Variants in ARHGAP18 observed in about 807,000 individuals in gnomAD.
The protein encoded by ARHGAP18 is Rho GTPase activating protein 18.
ARHGAP18 carries 67 observed loss-of-function variants against 86.2 expected under a neutral mutation model. The observed-to-expected ratio is 0.78, with a 90% CI of 0.64 to 0.95. ARHGAP18 has a LOEUF of 0.95. Among genes scored for constraint, ARHGAP18 ranks in the 40% least tolerant of loss-of-function variants. The pLI, the probability that ARHGAP18 is intolerant of heterozygous loss-of-function variation, is 0.00. For missense variants in ARHGAP18, 691 were observed against 780.4 expected, an observed-to-expected ratio of 0.89 and a Z score of 1.37; for synonymous variants, 283 against 280.4, an observed-to-expected ratio of 1.01 and a Z score of -0.09.
intron 10 of ARHGAP18, among the ~76,000 whole-genome samples, chr6:129,601,222 A>G (rs1788735958): frequency 6.6e-6 from 1 of 152,244 alleles, no homozygotes; most frequent in African/African-American, 2.4e-5. Flanking sequence ...TTTCCTATGT[A>G]GAGATTTTTA....
rs1773226265 is a variant in ARHGAP18, at chr6:129,631,895, C to T, written c.616+2147G>A. On this transcript the variant is annotated intron_variant, in intron 4 of 14. Coordinates refer to ENST00000368149, the MANE Select transcript of ARHGAP18 (RefSeq NM_033515.3). ...TCTAAATGTATTATTAAATATTGGG[C>T]CTTTAATAGAGTTTATGATTGAATG... Among the ~76,000 whole-genome samples the T allele has an allele frequency of 2.0e-5, 3 of 151,890 alleles. No homozygotes were observed. In the South Asian group the frequency reaches 6.3e-4, roughly 32 times the overall value.
rs189888865 is a variant in ARHGAP18, at chr6:129,664,505, G to A, written c.114-22487C>T. 1.6e-3 allele frequency among the ~76,000 whole-genome samples: 247 copies of A among 152,068 alleles called. 1 individual carries two copies. Among genetic ancestry groups the A allele is most frequent in the African/African-American group, 5.6e-3 (232 of 41,478 alleles). ...TCCCAGGAATAGAGATGTTAGTAAA[G>A]AGTGGAACCTGAGAAATGTGGTGTC... On this transcript the variant is annotated intron_variant, in intron 1 of 14. Coordinates refer to ENST00000368149, the MANE Select transcript of ARHGAP18 (RefSeq NM_033515.3).
At chr6:129,606,091 C>T in intron 9 of ARHGAP18, 132 bp from the exon 10 acceptor site, 1 of 767,822 alleles carries the variant, frequency 1.3e-6, no homozygotes, top group Non-Finnish European at 2.1e-6. Context: ...AACGACTGAG[C>T]TGCAAGCCTT....
intron 2 of ARHGAP18, among the ~76,000 whole-genome samples, chr6:129,640,342 TCAAA>T (rs1436879853): frequency 3.9e-5 from 6 of 152,210 alleles, no homozygotes. Context: ...TGGAGACTTA[TCAAA>T]CAGCTAATGA....
chr6:129,641,905 T>C lies in ARHGAP18; in HGVS notation c.227A>G (p.Glu76Gly). 2 of 1,613,972 alleles carry C rather than the reference T, an allele frequency of 1.2e-6. No individual in the cohort carries two copies. Among genetic ancestry groups the C allele is most frequent in the Middle Eastern group, 1.7e-4 (1 of 6,058 alleles). ...GTTTTCTAGTTCTATCCAATAGTCT[T>C]CCATAGATAGTTCATCCAAAGAATC... ...SQDSLDELSM[E>G]DYWIELENIK... The change falls in exon 2 of 15, where the codon GAA becomes GGA. Residue 76 changes from glutamate (E) to glycine (G), a missense_variant. By Grantham distance (98) the Glu-to-Gly change is moderately conservative (BLOSUM62 -2). Coordinates refer to ENST00000368149, the MANE Select transcript of ARHGAP18 (RefSeq NM_033515.3).
chr6:129,685,242 C>T (rs1199605853), intron 1 of ARHGAP18, among the ~76,000 whole-genome samples: 1 of 152,132 alleles, frequency 6.6e-6, no homozygotes, highest in Non-Finnish European at 1.5e-5. Flanking sequence ...CACAGTGGCT[C>T]ACATGTGTAA....
intron 6 of ARHGAP18, among the ~76,000 whole-genome samples, chr6:129,617,404 C>T (rs925191058): frequency 3.9e-5 from 6 of 152,076 alleles, no homozygotes; most frequent in African/African-American, 1.2e-4. Context: ...GACACTTAAT[C>T]GAGATGCCAT....
chr6:129,656,508 G>C (rs1773840015), intron 1 of ARHGAP18, among the ~76,000 whole-genome samples: 1 of 152,084 alleles, frequency 6.6e-6, no homozygotes, highest in Admixed American at 6.6e-5. Flanking sequence ...GGGCATGGTG[G>C]TACGCGCCTA....
At chr6:129,682,257 G>A (rs1389071164) in intron 1 of ARHGAP18, among the ~76,000 whole-genome samples, 1 of 152,088 alleles carries the variant, frequency 6.6e-6, no homozygotes, top group African/African-American at 2.4e-5. Flanking sequence ...GACATGCCAG[G>A]GTCACAGAAG....
intron 1 of ARHGAP18, among the ~76,000 whole-genome samples, chr6:129,704,316 G>C (rs764334417): frequency 1.3e-5 from 2 of 151,978 alleles, no homozygotes; most frequent in Non-Finnish European, 2.9e-5. Flanking sequence ...ATGGTAGCAG[G>C]CACCTGTAAT....
chr6:129,658,669 G>A (rs1461601886), intron 1 of ARHGAP18, among the ~76,000 whole-genome samples: 1 of 152,182 alleles, frequency 6.6e-6, no homozygotes, highest in Non-Finnish European at 1.5e-5. Context: ...TCTATTTATA[G>A]GTAACAGTAA....
intron 1 of ARHGAP18, among the ~76,000 whole-genome samples, chr6:129,704,130 T>A (rs1038510540): frequency 6.6e-6 from 1 of 152,086 alleles, no homozygotes. Flanking sequence ...TTAATGTTTA[T>A]CTCAAAAAGA....
chr6:129,642,966 C>A (rs1281694074), intron 1 of ARHGAP18, among the ~76,000 whole-genome samples: 3 of 152,004 alleles, frequency 2.0e-5, no homozygotes, highest in Non-Finnish European at 4.4e-5. Context: ...TCAAACATTT[C>A]TCTCTCAGAT....
intron 1 of ARHGAP18, among the ~76,000 whole-genome samples, chr6:129,667,342 C>A (rs956698676): frequency 6.6e-6 from 1 of 151,914 alleles, no homozygotes; most frequent in Non-Finnish European, 1.5e-5. Flanking sequence ...CCCTATTTGG[C>A]CCATAAGCCA....
chr6:129,624,507 T>C (rs1167351162), intron 5 of ARHGAP18, among the ~76,000 whole-genome samples: 2 of 151,344 alleles, frequency 1.3e-5, no homozygotes, highest in Admixed American at 1.3e-4. Context: ...CAGAGCGAGA[T>C]TCCATCTCGA....
chr6:129,669,028 A>G (rs181925477), intron 1 of ARHGAP18, among the ~76,000 whole-genome samples: 1 of 152,340 alleles, frequency 6.6e-6, no homozygotes. Flanking sequence ...TAAAGGGCCA[A>G]ATAGGACTGC....
In ARHGAP18 at chr6:129,666,247, A is replaced by T. The variant is rs147317499; in HGVS notation, c.114-24229T>A. On this transcript the variant is annotated intron_variant, in intron 1 of 14. Coordinates refer to ENST00000368149, the MANE Select transcript of ARHGAP18 (RefSeq NM_033515.3). ...CTCTTTTTCTGTGGAAAAGAGGGTT[A>T]TTCTGCCTCCCAGCAAAGCTCCGAA... Among the ~76,000 whole-genome samples the T allele has an allele frequency of 3.5e-3, 535 of 152,278 alleles. 3 individuals are homozygous for T. Among genetic ancestry groups the T allele is most frequent in the African/African-American group, 0.013 (520 of 41,542 alleles).
rs1324728943 is a variant in ARHGAP18 at position 129,582,287 on chromosome 6, T to C, written c.1838+1701A>G. ...AACAATATGACTATGATTGTTTTCA[T>C]GCTATACCTTAAATATTAAAGTCAC... On this transcript the variant is annotated intron_variant, in intron 13 of 14. Coordinates refer to ENST00000368149, the MANE Select transcript of ARHGAP18 (RefSeq NM_033515.3). Among the ~76,000 whole-genome samples the C allele has an allele frequency of 3.3e-5, 5 of 152,344 alleles. No individual in the cohort carries two copies. In the East Asian group the frequency reaches 7.7e-4, roughly 23 times the overall value.
intron 5 of ARHGAP18, among the ~76,000 whole-genome samples, chr6:129,626,127 A>G (rs1457024908): frequency 1.4e-5 from 2 of 143,398 alleles, no homozygotes; most frequent in African/African-American, 2.6e-5. Flanking sequence ...AAAAGCCTGG[A>G]AACAATTCAG....
Sources: allele counts gnomAD v4.1 joint callset (sites outside exome capture counted in the v4.1 genomes callset), GRCh38; gene constraint gnomAD v4.1.1; transcripts MANE v1.5; gene names NCBI Gene and HGNC (gene_info 2026-07-23, HGNC 2026-07-21).